The following SRRM4 variants were observed in gnomAD, a reference collection of about 807,000 sequenced individuals.
The protein encoded by SRRM4 is serine/arginine repetitive matrix 4, also known as serine/arginine repetitive matrix protein 4.
A neutral mutation model predicts 68.9 loss-of-function variants in SRRM4; 33 were observed. The ratio of observed to expected loss-of-function variants is 0.48; its 90% CI spans 0.36 to 0.64. SRRM4 has a LOEUF of 0.64. Among genes scored for constraint, SRRM4 ranks in the 30% least tolerant of loss-of-function variants. The pLI, the probability that SRRM4 is intolerant of heterozygous loss-of-function variation, is 0.00. For synonymous variants in SRRM4, 318 were observed against 318.8 expected, an observed-to-expected ratio of 1.00 and a Z score of 0.03; for missense variants, 817 against 827.1, an observed-to-expected ratio of 0.99 and a Z score of 0.15.
At chr12:119,109,172 A>G (rs1592901068) in intron 2 of SRRM4, among the ~76,000 whole-genome samples, 1 of 152,034 alleles carries the variant, frequency 6.6e-6, no homozygotes, top group Non-Finnish European at 1.5e-5. Flanking sequence ...TGGCTTGTAG[A>G]GTTTCTGCCG....
At chr12:119,038,290 C>A (rs948834926) in intron 1 of SRRM4, among the ~76,000 whole-genome samples, 6 of 151,580 alleles carry the variant, frequency 4.0e-5, no homozygotes, top group Admixed American at 2.6e-4. Context: ...CGGCTCACTG[C>A]AAGCTCCGCC....
At chr12:119,141,669 T>A (rs1324184174) in intron 8 of SRRM4, among the ~76,000 whole-genome samples, 1 of 152,152 alleles carries the variant, frequency 6.6e-6, no homozygotes, top group Admixed American at 6.5e-5. Context: ...ACTTGTTCAT[T>A]AGGCAAAATT....
chr12:119,053,820 G>C (rs1181209558), intron 1 of SRRM4, among the ~76,000 whole-genome samples: 1 of 151,982 alleles, frequency 6.6e-6, no homozygotes, highest in Non-Finnish European at 1.5e-5. Flanking sequence ...GGCATGCAAA[G>C]TGTAATTATC....
intron 1 of SRRM4, among the ~76,000 whole-genome samples, chr12:118,987,233 T>C (rs1199267158): frequency 6.6e-6 from 1 of 152,168 alleles, no homozygotes; most frequent in African/African-American, 2.4e-5. Context: ...AATGAGATAA[T>C]TTATATAAAG....
chr12:119,095,906 GC>G (rs2136039134), intron 1 of SRRM4, among the ~76,000 whole-genome samples: 1 of 145,526 alleles, frequency 6.9e-6, no homozygotes, highest in African/African-American at 2.6e-5. Flanking sequence ...GTTGCAGTGA[GC>G]CGAGATCATG....
intron 1 of SRRM4, among the ~76,000 whole-genome samples, chr12:119,088,357 C>G (rs1055482943): frequency 1.3e-5 from 2 of 152,124 alleles, no homozygotes; most frequent in African/African-American, 4.8e-5. Flanking sequence ...ATGCACCCCC[C>G]TCAACGGTGA....
intron 1 of SRRM4, among the ~76,000 whole-genome samples, chr12:119,012,016 T>A (rs906035303): frequency 3.3e-5 from 5 of 152,248 alleles, no homozygotes; most frequent in African/African-American, 1.2e-4. Context: ...TGATATCTAG[T>A]TAAGTGCTCA....
chr12:119,122,911 C>T (rs997559710), intron 6 of SRRM4, among the ~76,000 whole-genome samples: 2 of 152,110 alleles, frequency 1.3e-5, no homozygotes, highest in Non-Finnish European at 2.9e-5. Flanking sequence ...AGTCTTGGGG[C>T]CCCAGCTGTT....
chr12:119,087,983 T>G (rs1565905477), intron 1 of SRRM4, among the ~76,000 whole-genome samples: 1 of 152,136 alleles, frequency 6.6e-6, no homozygotes, highest in Non-Finnish European at 1.5e-5. Flanking sequence ...AAATGATGGG[T>G]TTTAATTGTC....
chr12:119,037,911 A>T (rs1166882404), intron 1 of SRRM4, among the ~76,000 whole-genome samples: 1 of 152,224 alleles, frequency 6.6e-6, no homozygotes, highest in Admixed American at 6.5e-5. Context: ...TGAGGATAGT[A>T]ATATTCTCTG....
At chr12:119,136,470 G>GTTTGTTTTGTTTTGTTTTGT (rs375418674) in intron 8 of SRRM4, among the ~76,000 whole-genome samples, 5,446 of 151,976 alleles carry the variant, frequency 0.036, 339 homozygotes, top group African/African-American at 0.12. Context: ...ATTGGTTTTT[G>GTTTGTTTTGTTTTGTTTTGT]TTTGTTTTGT....
At chr12:118,990,864 G>A (rs1953312218) in intron 1 of SRRM4, among the ~76,000 whole-genome samples, 1 of 152,296 alleles carries the variant, frequency 6.6e-6, no homozygotes, top group African/African-American at 2.4e-5. Context: ...CTGTCACCCA[G>A]GCTGGAGTGC....
At chr12:119,038,432 C>T (rs1953644020) in intron 1 of SRRM4, among the ~76,000 whole-genome samples, 1 of 152,066 alleles carries the variant, frequency 6.6e-6, no homozygotes. Context: ...AGGATGGTCT[C>T]GATCTCCTGA....
chr12:119,138,804 G>A (rs1012088526), intron 8 of SRRM4, among the ~76,000 whole-genome samples: 2 of 152,154 alleles, frequency 1.3e-5, no homozygotes, highest in African/African-American at 2.4e-5. Flanking sequence ...TGGCCATTAA[G>A]TAGATCTTGT....
chr12:119,111,703 A>G (rs1265816032), intron 2 of SRRM4, among the ~76,000 whole-genome samples: 4 of 152,198 alleles, frequency 2.6e-5, no homozygotes, highest in African/African-American at 9.7e-5. Flanking sequence ...TTGGTCACTC[A>G]GCAAATATTG....
At chr12:119,012,682 C>T (rs1336214019) in intron 1 of SRRM4, among the ~76,000 whole-genome samples, 1 of 152,216 alleles carries the variant, frequency 6.6e-6, no homozygotes, top group Non-Finnish European at 1.5e-5. Flanking sequence ...CCTTCAGCCA[C>T]ATGTGGTCTC....
intron 1 of SRRM4, among the ~76,000 whole-genome samples, chr12:119,009,045 G>A (rs1953432776): frequency 6.7e-6 from 1 of 149,988 alleles, no homozygotes; most frequent in Admixed American, 6.7e-5. Context: ...CACGCTGGCG[G>A]TCTACACACA....
chr12:119,148,026 ATAAT>A (rs61493850), intron 9 of SRRM4, among the ~76,000 whole-genome samples: 12,336 of 152,238 alleles, frequency 0.081, 640 homozygotes, highest in East Asian at 0.21. Context: ...TCAGGAGCTT[ATAAT>A]TAATGAGGCA....
intron 9 of SRRM4, among the ~76,000 whole-genome samples, chr12:119,146,809 G>A (rs955705026): frequency 5.3e-5 from 8 of 151,530 alleles, no homozygotes; most frequent in South Asian, 2.1e-4. Context: ...AGTGGCGGGC[G>A]CCTGTAGTCC....
Sources: allele counts gnomAD v4.1 joint callset (sites outside exome capture counted in the v4.1 genomes callset), GRCh38; gene constraint gnomAD v4.1.1; transcripts MANE v1.5; gene names NCBI Gene and HGNC (gene_info 2026-07-23, HGNC 2026-07-21).